Variants in CNIH3 observed in about 807,000 individuals in gnomAD.
CNIH3 encodes protein cornichon homolog 3.
In CNIH3, 14 loss-of-function variants were observed where a neutral mutation model predicts 24.1. The observed-to-expected ratio is 0.58, with a 90% confidence interval of 0.38 to 0.91. CNIH3 has a LOEUF of 0.91. Among genes scored for constraint, CNIH3 ranks in the 40% least tolerant of loss-of-function variants. The pLI is 0.00. For synonymous variants in CNIH3, 68 were observed against 73.8 expected, an observed-to-expected ratio of 0.92 and a Z score of 0.40; for missense variants, 178 against 196.8, an observed-to-expected ratio of 0.90 and a Z score of 0.57.
chr1:224,533,387 CAA>C lies in CNIH3; in HGVS notation n.344-3532_344-3531del, dbSNP rs146941595. 3.9e-3 allele frequency among the ~76,000 whole-genome samples: 398 copies of C among 103,334 alleles called. 1 individual carries two copies. The highest frequency in any genetic ancestry group is 0.011 in the African/African-American group (347 of 31,890). 67.8% of individuals were successfully genotyped at this position (103,334 alleles called of 152,430 possible). A position where few individuals can be genotyped will look rare whatever the true frequency, so the allele number is the denominator to read the frequency against. The stretch of plus-strand genomic sequence containing the variant: ...AGCTCTGAAGAGTGAGAACCCGTCT[CAA>C]AAAAAAAAAAAAAAAATCAGAGAGA... On this transcript the variant is annotated intron_variant and non_coding_transcript_variant, in intron 2 of 2. Transcript: ENST00000470602.
chr1:224,735,858 G>T (rs1689569648), intron 5 of CNIH3, among the ~76,000 whole-genome samples: 1 of 151,646 alleles, frequency 6.6e-6, no homozygotes, highest in Non-Finnish European at 1.5e-5. Flanking sequence ...TAGAGATGGG[G>T]TTTCACTGTG....
intron 1 of CNIH3, among the ~76,000 whole-genome samples, chr1:224,460,087 G>A (rs1399830862): frequency 6.6e-6 from 1 of 151,838 alleles, no homozygotes; most frequent in Non-Finnish European, 1.5e-5. Flanking sequence ...ATATCGCCCA[G>A]GCTGCTCTCG....
intron 2 of CNIH3, among the ~76,000 whole-genome samples, chr1:224,534,071 G>A (rs1679186418): frequency 6.6e-6 from 1 of 152,166 alleles, no homozygotes; most frequent in Non-Finnish European, 1.5e-5. Flanking sequence ...AGGCTGAGGT[G>A]GGATGATTGC....
At chr1:224,678,225 T>C (rs1263435870) in intron 1 of CNIH3, among the ~76,000 whole-genome samples, 8 of 152,188 alleles carry the variant, frequency 5.3e-5, no homozygotes, top group Admixed American at 4.6e-4. Flanking sequence ...AATCCAACAA[T>C]GCTTGTGCAG....
At chr1:224,729,678 C>A (rs1689219039) in intron 3 of CNIH3, among the ~76,000 whole-genome samples, 1 of 152,072 alleles carries the variant, frequency 6.6e-6, no homozygotes, top group Non-Finnish European at 1.5e-5. Flanking sequence ...CTTTAGCTTA[C>A]AACTTTGATT....
intron 3 of CNIH3, among the ~76,000 whole-genome samples, chr1:224,692,518 G>C (rs1033016248): frequency 6.6e-6 from 1 of 152,176 alleles, no homozygotes. Flanking sequence ...GTGCCGTAGA[G>C]AGACCATCCT....
chr1:224,660,516 T>C (rs1230678974), intron 1 of CNIH3, among the ~76,000 whole-genome samples: 1 of 146,442 alleles, frequency 6.8e-6, no homozygotes, highest in Non-Finnish European at 1.5e-5. Context: ...ATACAATTTT[T>C]TTTTTCAGGA....
chr1:224,442,263 A>T (rs1206032014), intron 1 of CNIH3, among the ~76,000 whole-genome samples: 1 of 152,084 alleles, frequency 6.6e-6, no homozygotes, highest in East Asian at 1.9e-4. Flanking sequence ...CTCCCGCCTC[A>T]GCTTCCCAAA....
At chr1:224,633,525 G>A (rs1270492296) in intron 1 of CNIH3, among the ~76,000 whole-genome samples, 1 of 152,184 alleles carries the variant, frequency 6.6e-6, no homozygotes, top group Admixed American at 6.5e-5. Context: ...AAGGGAATTG[G>A]AGTACTCATA....
chr1:224,669,143 A>C (rs1685741636), intron 1 of CNIH3, among the ~76,000 whole-genome samples: 1 of 152,086 alleles, frequency 6.6e-6, no homozygotes, highest in Non-Finnish European at 1.5e-5. Context: ...CTGTGCTGTC[A>C]CCTGAAGCGA....
chr1:224,637,548 C>T (rs545148351), intron 1 of CNIH3, among the ~76,000 whole-genome samples: 2 of 152,326 alleles, frequency 1.3e-5, no homozygotes, highest in East Asian at 3.9e-4. Flanking sequence ...CTGTTTAGTA[C>T]TGGCCCCTTG....
intron 3 of CNIH3, among the ~76,000 whole-genome samples, chr1:224,548,493 C>T (rs1241554700): frequency 6.6e-6 from 1 of 150,758 alleles, no homozygotes; most frequent in African/African-American, 2.4e-5. Context: ...GGGTATATAC[C>T]CTCTGATATT....
intron 1 of CNIH3, among the ~76,000 whole-genome samples, chr1:224,657,750 T>C (rs903269478): frequency 6.6e-6 from 1 of 152,118 alleles, no homozygotes. Context: ...AAGAGTCCTT[T>C]TCATGAACTC....
upstream of CNIH3, among the ~76,000 whole-genome samples, chr1:224,510,929 C>T (rs1572387799): frequency 6.6e-6 from 1 of 152,192 alleles, no homozygotes; most frequent in Non-Finnish European, 1.5e-5. Context: ...TGTTTCATTC[C>T]ACCACAGGCC....
chr1:224,576,303 G>A (rs780503079), intron 4 of CNIH3, among the ~76,000 whole-genome samples: 1 of 152,138 alleles, frequency 6.6e-6, no homozygotes, highest in Non-Finnish European at 1.5e-5. Context: ...TTTAAAAATA[G>A]TTCCTTTTAA....
chr1:224,688,418 A>G (rs894190117), intron 3 of CNIH3, among the ~76,000 whole-genome samples: 5 of 152,068 alleles, frequency 3.3e-5, no homozygotes, highest in African/African-American at 1.2e-4. Context: ...ATGGTCAGCA[A>G]TTTTGTTTCA....
At chr1:224,608,030 A>G in intron 3 of CNIH3, among the ~76,000 whole-genome samples, 1 of 152,236 alleles carries the variant, frequency 6.6e-6, no homozygotes, top group East Asian at 1.9e-4. Flanking sequence ...GCACCAAAGT[A>G]TGGGTCTGCA....
intron 1 of CNIH3, among the ~76,000 whole-genome samples, chr1:224,502,332 A>G (rs1384426291): frequency 6.6e-6 from 1 of 152,176 alleles, no homozygotes; most frequent in Admixed American, 6.5e-5. Flanking sequence ...GTATCTCGTG[A>G]TAGAGACTCC....
At chr1:224,519,846 T>C (rs943483217) in intron 1 of CNIH3, among the ~76,000 whole-genome samples, 2 of 152,012 alleles carry the variant, frequency 1.3e-5, no homozygotes, top group Non-Finnish European at 2.9e-5. Context: ...GAGATGGAAA[T>C]GAATTAAAAT....
Sources: allele counts gnomAD v4.1 joint callset (sites outside exome capture counted in the v4.1 genomes callset), GRCh38; gene constraint gnomAD v4.1.1; transcripts MANE v1.5; gene names NCBI Gene and HGNC (gene_info 2026-07-23, HGNC 2026-07-21).